The following PRDM5 variants were observed in gnomAD, a reference collection of about 807,000 sequenced individuals.
PRDM5 encodes PR domain zinc finger protein 5.
In PRDM5, 56 loss-of-function variants were observed where a neutral mutation model predicts 81.2. The ratio of observed to expected loss-of-function variants is 0.69; its 90% CI spans 0.56 to 0.86. The LOEUF is 0.86. Among genes scored for constraint, PRDM5 ranks in the 40% least tolerant of loss-of-function variants. The probability of loss-of-function intolerance (pLI) is 0.00; values close to 1 mark genes in which losing one functional copy is unlikely to be tolerated. For missense variants in PRDM5, 697 were observed against 770.1 expected (o/e 0.91, Z 1.12); for synonymous variants, 267 against 256.4 (o/e 1.04, Z -0.39).
intron 14 of PRDM5, among the ~76,000 whole-genome samples, chr4:120,726,199 A>G (rs968035405): frequency 6.6e-6 from 1 of 152,216 alleles, no homozygotes; most frequent in Non-Finnish European, 1.5e-5. Context: ...TATTTTAAGA[A>G]AAAATATTTT....
intron 13 of PRDM5, among the ~76,000 whole-genome samples, chr4:120,757,848 T>TTCC (rs1249338355): frequency 6.6e-6 from 1 of 150,770 alleles, no homozygotes; most frequent in African/African-American, 2.5e-5. Flanking sequence ...TCTCCTCCTC[T>TTCC]TCCTCCTCCT....
intron 1 of PRDM5, among the ~76,000 whole-genome samples, chr4:120,922,087 G>A (rs1386885263): frequency 6.6e-6 from 1 of 152,232 alleles, no homozygotes; most frequent in Non-Finnish European, 1.5e-5. Flanking sequence ...TAAAGGAAAA[G>A]AGGCGACAGC....
intron 2 of PRDM5, among the ~76,000 whole-genome samples, chr4:120,901,036 G>A (rs1300445762): frequency 3.3e-5 from 5 of 151,976 alleles, no homozygotes; most frequent in Admixed American, 6.6e-5. Flanking sequence ...TTAAATAAAC[G>A]AGTGATAGAT....
intron 11 of PRDM5, among the ~76,000 whole-genome samples, chr4:120,782,974 T>C (rs1481812084): frequency 6.6e-6 from 1 of 152,058 alleles, no homozygotes; most frequent in African/African-American, 2.4e-5. Context: ...TTGTGTTAAA[T>C]TTATCAGATT....
chr4:120,735,909 G>A (rs760749858), intron 14 of PRDM5, among the ~76,000 whole-genome samples: 1 of 152,138 alleles, frequency 6.6e-6, no homozygotes, highest in Non-Finnish European at 1.5e-5. Context: ...CCTAGATTGT[G>A]TAGTAATTAA....
intron 3 of PRDM5, among the ~76,000 whole-genome samples, chr4:120,845,711 C>T (rs1478855762): frequency 6.6e-6 from 1 of 152,214 alleles, no homozygotes; most frequent in African/African-American, 2.4e-5. Flanking sequence ...TAAATTTCGA[C>T]TTTCAAATAT....
chr4:120,791,159 C>T (rs1511303), intron 10 of PRDM5, among the ~76,000 whole-genome samples: 30,281 of 152,022 alleles, frequency 0.2, 3,672 homozygotes, highest in Non-Finnish European at 0.28. Flanking sequence ...AGTAGACTTC[C>T]TATTTGACCC....
intron 8 of PRDM5, among the ~76,000 whole-genome samples, chr4:120,810,973 A>AC (rs1391764237): frequency 6.6e-6 from 1 of 152,158 alleles, no homozygotes; most frequent in East Asian, 1.9e-4. Context: ...CAGAAACAAA[A>AC]ATTCATTTTA....
At chr4:120,826,495 T>A (rs1168729731) in intron 3 of PRDM5, among the ~76,000 whole-genome samples, 2 of 152,160 alleles carry the variant, frequency 1.3e-5, no homozygotes, top group Non-Finnish European at 2.9e-5. Context: ...ATTTCTAATA[T>A]GTGTTGCTTT....
At chr4:120,880,345 G>A (rs1416836045) in intron 2 of PRDM5, among the ~76,000 whole-genome samples, 2 of 151,950 alleles carry the variant, frequency 1.3e-5, no homozygotes, top group South Asian at 2.1e-4. Context: ...GCTAATTCCC[G>A]AGAAGGAGCT....
intron 4 of PRDM5, 29 bp from the exon 5 acceptor site, chr4:120,818,556 G>A: frequency 6.3e-7 from 1 of 1,593,554 alleles, no homozygotes; most frequent in African/African-American, 1.3e-5. Context: ...ACATATTCAT[G>A]AGACAAAAAT....
Position 120,821,249 on chromosome 4 carries a change from C to T in PRDM5, c.397G>A (p.Glu133Lys). 6.2e-7 allele frequency: 1 copy of T among 1,613,998 alleles called. No homozygotes were observed. Among genetic ancestry groups the T allele is most frequent in the Non-Finnish European group, 8.5e-7 (1 of 1,179,918 alleles). The change falls in exon 4 of 16, where the codon GAA (glutamate) becomes AAA (lysine). Residue 133 changes from glutamate to lysine, a missense_variant. Coordinates refer to ENST00000264808, the MANE Select transcript of PRDM5 (RefSeq NM_018699.4). ...ATGACTGTCATAATTTGCTGTTCTT[C>T]CTCCTCAGCCTCCATGTCACTATCC... ...YLDSDMEAEE[E>K]EQQIMTVIKE...
At chr4:120,823,518 G>C (rs546586546) in intron 3 of PRDM5, among the ~76,000 whole-genome samples, 64 of 152,260 alleles carry the variant, frequency 4.2e-4, no homozygotes, top group African/African-American at 1.5e-3. Flanking sequence ...CAACCACTGT[G>C]CAGACCAACA....
chr4:120,735,969 T>C (rs1264945046), intron 14 of PRDM5, among the ~76,000 whole-genome samples: 3 of 152,150 alleles, frequency 2.0e-5, no homozygotes, highest in African/African-American at 4.8e-5. Context: ...ATTATACCCA[T>C]GAAGTAATTT....
At chr4:120,846,657 A>G (rs1181736849) in intron 3 of PRDM5, among the ~76,000 whole-genome samples, 1 of 152,212 alleles carries the variant, frequency 6.6e-6, no homozygotes, top group African/African-American at 2.4e-5. Flanking sequence ...AATGAAACCC[A>G]GAGCATCCCC....
intron 3 of PRDM5, among the ~76,000 whole-genome samples, chr4:120,834,350 C>A (rs1004126412): frequency 6.6e-6 from 1 of 152,012 alleles, no homozygotes; most frequent in Non-Finnish European, 1.5e-5. Context: ...GGGATTAGTG[C>A]CCTTATAAAA....
In PRDM5 at chr4:120,914,336, G is replaced by C. The variant is rs186015148; in HGVS notation, c.94-6779C>G. 1.7e-3 allele frequency among the ~76,000 whole-genome samples: 259 copies of C among 151,952 alleles called. 1 individual carries two copies. Among genetic ancestry groups the C allele is most frequent in the African/African-American group, 5.8e-3 (240 of 41,470 alleles). On this transcript the variant is annotated intron_variant, in intron 1 of 15. Transcript: ENST00000264808. The stretch of plus-strand genomic sequence containing the variant: ...CGAACAGATAAAAATATGATATTTA[G>C]AATCAAATTCAAAAACAAAATCTCA...
At chr4:120,808,889 T>A (rs1191651281) in intron 8 of PRDM5, among the ~76,000 whole-genome samples, 4 of 152,190 alleles carry the variant, frequency 2.6e-5, no homozygotes, top group Non-Finnish European at 4.4e-5. Context: ...CACGCCCACC[T>A]GGAACTCACG....
At chr4:120,873,783 T>C (rs779135334) in intron 2 of PRDM5, among the ~76,000 whole-genome samples, 32 of 152,246 alleles carry the variant, frequency 2.1e-4, no homozygotes, top group Non-Finnish European at 4.4e-5. Context: ...TGCCTTTATT[T>C]GCCATGATTT....
Sources: gnomAD v4.1 joint callset for allele counts (sites outside exome capture counted in the v4.1 genomes callset) on GRCh38, gnomAD v4.1.1 for gene constraint, MANE v1.5 for transcripts, NCBI Gene and HGNC (gene_info 2026-07-23, HGNC 2026-07-21) for gene names.